Variants in OPHN1 observed in about 807,000 individuals in gnomAD.
The protein encoded by OPHN1 is oligophrenin 1.
In OPHN1, 11 loss-of-function variants were observed where a neutral mutation model predicts 60.7. That is an observed-to-expected ratio of 0.18 (90% CI 0.11 to 0.30). The LOEUF is 0.30. Among genes scored for constraint, OPHN1 ranks in the 10% least tolerant of loss-of-function variants. OPHN1 has a pLI of 1.00. For synonymous variants in OPHN1, 226 were observed against 222.6 expected (o/e 1.02, Z -0.14); for missense variants, 449 against 611.0 (o/e 0.73, Z 2.80).
chrX:68,320,925 T>C (rs1477184135), intron 2 of OPHN1, among the ~76,000 whole-genome samples: 1 of 111,801 alleles, frequency 8.9e-6, no homozygotes, highest in Non-Finnish European at 1.9e-5. Context: ...TTACAAAGGA[T>C]ACAGGTGAAG....
intron 16 of OPHN1, among the ~76,000 whole-genome samples, chrX:68,113,734 T>A (rs1253183072): frequency 1.0e-5 from 1 of 99,192 alleles, no homozygotes; most frequent in Non-Finnish European, 2.0e-5. Context: ...AAACACCGCA[T>A]GTTCTCACTC....
intron 3 of OPHN1, among the ~76,000 whole-genome samples, chrX:68,293,253 G>A (rs956265730): frequency 5.4e-5 from 6 of 111,948 alleles, no homozygotes; most frequent in Non-Finnish European, 1.1e-4. Flanking sequence ...ACCAACAAAA[G>A]CCCTCAAGAG....
intron 19 of OPHN1, among the ~76,000 whole-genome samples, chrX:68,096,251 C>A (rs954496382): frequency 8.1e-5 from 9 of 111,657 alleles, no homozygotes; most frequent in African/African-American, 1.6e-4. Flanking sequence ...AACAAACAAG[C>A]CTTGCTAAGA....
intron 17 of OPHN1, 67 bp from the exon 18 acceptor site, chrX:68,112,026 C>A (rs1217051618): frequency 1.0e-5 from 6 of 602,562 alleles, no homozygotes; most frequent in Admixed American, 9.5e-5. Context: ...AAAATTCTCA[C>A]ATATATATGC....
chrX:68,217,076 G>T (rs917760473), intron 6 of OPHN1, among the ~76,000 whole-genome samples: 2 of 111,571 alleles, frequency 1.8e-5, no homozygotes, highest in African/African-American at 6.5e-5. Context: ...TGCGCGCACC[G>T]TGCGCGAGCC....
At chrX:68,341,650 A>G (rs1378629280) in intron 2 of OPHN1, among the ~76,000 whole-genome samples, 1 of 110,909 alleles carries the variant, frequency 9.0e-6, no homozygotes, top group Non-Finnish European at 1.9e-5. Context: ...CCTGGGCAAC[A>G]CAGGGAAACC....
chrX:68,285,097 TCA>T (rs2078035238), intron 3 of OPHN1, among the ~76,000 whole-genome samples: 1 of 112,083 alleles, frequency 8.9e-6, no homozygotes, highest in Non-Finnish European at 1.9e-5. Flanking sequence ...AGTCTCACGG[TCA>T]GTCTAGCTAA....
At chrX:68,361,655 CT>C (rs1215446174) in intron 2 of OPHN1, among the ~76,000 whole-genome samples, 1 of 110,905 alleles carries the variant, frequency 9.0e-6, no homozygotes, top group Non-Finnish European at 1.9e-5. Flanking sequence ...ACCACGTTTT[CT>C]TTACCTATTG....
At chrX:68,212,045 C>T (rs764908136) in intron 8 of OPHN1, 63 bp downstream of exon 8, 22 of 816,282 alleles carry the variant, frequency 2.7e-5, no homozygotes, top group Non-Finnish European at 3.4e-5. Flanking sequence ...GAATCAAGGT[C>T]GCTAGGGCTG....
At chrX:68,390,624 G>A (rs956308786) in intron 2 of OPHN1, among the ~76,000 whole-genome samples, 12 of 111,434 alleles carry the variant, frequency 1.1e-4, no homozygotes, top group African/African-American at 3.6e-4. Context: ...AAATTGTGGT[G>A]TATTCACTGA....
At chrX:68,423,189 C>G (rs5965575) in intron 2 of OPHN1, among the ~76,000 whole-genome samples, 4,769 of 110,714 alleles carry the variant, frequency 0.043, 285 homozygotes, top group African/African-American at 0.15. Flanking sequence ...CCACGCCCAG[C>G]TAATATTTTG....
At chrX:68,207,802 T>A (rs2077566276) in intron 9 of OPHN1, among the ~76,000 whole-genome samples, 1 of 111,252 alleles carries the variant, frequency 9.0e-6, no homozygotes, top group Admixed American at 9.7e-5. Context: ...GCCATATAAT[T>A]TCTAGTCCAA....
At chrX:68,265,803 C>A (rs1354450577) in intron 5 of OPHN1, among the ~76,000 whole-genome samples, 1 of 110,978 alleles carries the variant, frequency 9.0e-6, no homozygotes, top group Non-Finnish European at 1.9e-5. Context: ...GAATGGCTAA[C>A]TAGAATAACC....
intron 6 of OPHN1, among the ~76,000 whole-genome samples, chrX:68,232,931 TTTTTTTTTTTTTTTGAGACAGAG>T (rs1210811128): frequency 9.6e-5 from 10 of 103,963 alleles, no homozygotes; most frequent in African/African-American, 3.1e-4. Context: ...AACTAAGGCT[TTTTTTTTTTTTTTTGAGACAGAG>T]TTTCGTTCTT....
chrX:68,182,310 G>T (rs1713442699), intron 15 of OPHN1, among the ~76,000 whole-genome samples: 1 of 103,654 alleles, frequency 9.6e-6, no homozygotes, highest in Non-Finnish European at 1.9e-5. Context: ...CATGGTCCTT[G>T]GATAATGAAC....
chrX:68,140,529 G>T lies in OPHN1; in HGVS notation c.1277-21197C>A, dbSNP rs776580502. On this transcript the variant is annotated intron_variant, in intron 15 of 24. Transcript: ENST00000355520. ...GTCAGCATGAAGCAACCTGGTGAGG[G>T]TGATACAGAATGGCTGGGCTCCTGG... 1.1e-4 allele frequency among the ~76,000 whole-genome samples: 12 copies of T among 110,436 alleles called. No individual in the cohort carries two copies. The East Asian group carries it at 2.6e-3, about 24-fold the overall frequency.
chrX:68,068,826 C>T lies in OPHN1; in HGVS notation c.1834+4326G>A, dbSNP rs1049685615. 4.5e-5 allele frequency among the ~76,000 whole-genome samples: 5 copies of T among 111,609 alleles called. No homozygotes were observed. In the East Asian group the frequency reaches 1.4e-3, roughly 31 times the overall value. On this transcript the variant is annotated intron_variant, in intron 20 of 24. Transcript: ENST00000355520. ...ATATTATGCTAAGAGTAAGACGCCA[C>T]CCAAAAATGTCCACATATTCTATAA...
chrX:68,228,222 C>T (rs372458774), intron 6 of OPHN1, among the ~76,000 whole-genome samples: 2 of 111,488 alleles, frequency 1.8e-5, no homozygotes, highest in African/African-American at 3.3e-5. Flanking sequence ...AAGTTGAATC[C>T]CTGAATAGAC....
intron 5 of OPHN1, among the ~76,000 whole-genome samples, chrX:68,256,253 A>T (rs1217969177): frequency 9.0e-6 from 1 of 111,403 alleles, no homozygotes; most frequent in Non-Finnish European, 1.9e-5. Flanking sequence ...CTTACTGTAC[A>T]CATGGCTGGC....
Sources: allele counts gnomAD v4.1 joint callset (sites outside exome capture counted in the v4.1 genomes callset), GRCh38; gene constraint gnomAD v4.1.1; transcripts MANE v1.5; gene names NCBI Gene and HGNC (gene_info 2026-07-23, HGNC 2026-07-21).